Variants in MAPKBP1 observed in about 807,000 individuals in gnomAD.
MAPKBP1 encodes the protein mitogen-activated protein kinase binding protein 1.
A neutral mutation model predicts 170.5 loss-of-function variants in MAPKBP1; 71 were observed. That is an observed-to-expected ratio of 0.42 (90% CI 0.34 to 0.51). The LOEUF is 0.51. MAPKBP1 is among the 20% of genes least tolerant of loss of function. MAPKBP1 has a pLI of 0.06. For synonymous variants in MAPKBP1, 719 were observed against 757.9 expected (o/e 0.95, Z 0.84); for missense variants, 1,598 against 1,933.0 (o/e 0.83, Z 3.25).
At chr15:41,781,406 T>TG (rs77225271) in intron 2 of MAPKBP1, among the ~76,000 whole-genome samples, 20,631 of 151,470 alleles carry the variant, frequency 0.14, 2,535 homozygotes, top group East Asian at 0.68. Flanking sequence ...TTTGTTTTTT[T>TG]TTTTTTCTTG....
intron 2 of MAPKBP1, among the ~76,000 whole-genome samples, chr15:41,782,795 GA>G (rs34570752): frequency 8.0e-5 from 12 of 150,612 alleles, no homozygotes; most frequent in African/African-American, 1.5e-4. Context: ...CAAAGAGGGG[GA>G]AAAAAAAGGG....
In MAPKBP1 at chr15:41,826,876, G is replaced by C. The variant is rs534688368; in HGVS notation, c.*1440G>C. The C allele has an allele frequency of 6.6e-6, 1 of 152,324 alleles. No homozygotes were observed. The highest frequency in any genetic ancestry group is 1.9e-4 in the East Asian group (1 of 5,190). 9.4% of individuals were successfully genotyped at this position (152,324 alleles called of 1,614,324 possible). A position where few individuals can be genotyped will look rare whatever the true frequency, so the allele number is the denominator to read the frequency against. ...TGTCGTGAGGCAGTTGAAGAGTTGA[G>C]GAAAGGTTTTTCTGGGCCCTACTGC... On this transcript the variant is annotated 3_prime_UTR_variant, in exon 31 of 31. Coordinates refer to ENST00000457542, the MANE Select transcript of MAPKBP1 (RefSeq NM_014994.3).
intron 2 of MAPKBP1, among the ~76,000 whole-genome samples, chr15:41,781,016 T>G (rs1204370614): frequency 6.6e-6 from 1 of 151,966 alleles, no homozygotes; most frequent in African/African-American, 2.4e-5. Context: ...TTCAAGGGAG[T>G]AAATTCCCCC....
chr15:41,802,564 C>T (rs1765692970), intron 3 of MAPKBP1, among the ~76,000 whole-genome samples: 1 of 152,190 alleles, frequency 6.6e-6, no homozygotes, highest in African/African-American at 2.4e-5. Flanking sequence ...ACCTCTGCCT[C>T]CTGGGTTCAA....
chr15:41,804,485 T>TTGGAGG (rs2064655770), intron 3 of MAPKBP1, among the ~76,000 whole-genome samples: 1 of 152,198 alleles, frequency 6.6e-6, no homozygotes, highest in Non-Finnish European at 1.5e-5. Flanking sequence ...TTCCCTCTTG[T>TTGGAGG]TGGAGGTGGG....
rs530996876 is a variant in MAPKBP1, at chr15:41,821,524, C to T, written c.2719-60C>T. The T allele has an allele frequency of 7.7e-5, 119 of 1,552,366 alleles. 1 individual carries two copies. The African/African-American group carries it at 1.5e-3, about 19-fold the overall frequency. ...CCCAGGATACTCAGGGCTTACCCCC[C>T]AGCTACCACTGCCTCATCTGTCACC... is the stretch of plus-strand genomic sequence containing the variant. On this transcript the variant is annotated intron_variant, in intron 23 of 30. Coordinates refer to ENST00000457542, the MANE Select transcript of MAPKBP1 (RefSeq NM_014994.3).
chr15:41,820,606 C>T (rs115872061), intron 22 of MAPKBP1, among the ~76,000 whole-genome samples: 112 of 152,284 alleles, frequency 7.4e-4, no homozygotes, highest in African/African-American at 2.6e-3. Flanking sequence ...ATCTGCAGGC[C>T]ACTTACTGTC....
At chr15:41,823,296 C>T in intron 28 of MAPKBP1, 74 bp downstream of exon 28, 1 of 1,561,806 alleles carries the variant, frequency 6.4e-7, no homozygotes, top group Non-Finnish European at 8.7e-7. Context: ...GGAGGGAGGG[C>T]CTGGTGTGGC....
intron 10 of MAPKBP1, 80 bp from the exon 11 acceptor site, chr15:41,815,179 C>A: frequency 1.3e-6 from 2 of 1,553,946 alleles, no homozygotes; most frequent in Admixed American, 1.7e-5. Context: ...CCTTTTTCGT[C>A]CCATTCCCTT....
chr15:41,789,349 A>G (rs1381498668), intron 2 of MAPKBP1, among the ~76,000 whole-genome samples: 1 of 152,082 alleles, frequency 6.6e-6, no homozygotes, highest in African/African-American at 2.4e-5. Flanking sequence ...ACATTGAGAT[A>G]ACTCCTTTTC....
chr15:41,810,138 G>A (rs1030210865), intron 3 of MAPKBP1, among the ~76,000 whole-genome samples: 32 of 152,336 alleles, frequency 2.1e-4, no homozygotes, highest in African/African-American at 7.2e-4. Context: ...AGGCACACAT[G>A]CTTGATACAC....
intron 4 of MAPKBP1, 111 bp from the exon 5 acceptor site, chr15:41,811,067 G>C: frequency 6.6e-7 from 1 of 1,514,780 alleles, no homozygotes. Flanking sequence ...AGATGGGGAA[G>C]TGCCACATGT....
intron 2 of MAPKBP1, among the ~76,000 whole-genome samples, chr15:41,796,270 G>A (rs2064486892): frequency 6.6e-6 from 1 of 152,188 alleles, no homozygotes; most frequent in Admixed American, 6.5e-5. Flanking sequence ...CATTGAACCT[G>A]GGGTGTGTTT....
chr15:41,824,184 T>G lies in MAPKBP1; in HGVS notation c.4213+123T>G, dbSNP rs1483005219. 5 of 1,355,040 alleles carry G rather than the reference T, an allele frequency of 3.7e-6. No individual in the cohort carries two copies. In the Admixed American group the frequency reaches 6.8e-5, roughly 18 times the overall value. The allele number at this position is 1,355,040 out of a possible 1,614,324, so 83.9% of individuals were successfully genotyped here. On this transcript the variant is annotated intron_variant, in intron 29 of 30. Coordinates refer to ENST00000457542, the MANE Select transcript of MAPKBP1 (RefSeq NM_014994.3). Reference sequence around the variant, plus strand: ...TTCTGGTGTTTCTTGTCCTGTCTGCTCCTGTCGCAGGTCCGTAAGTCACAC... The same window carrying G: ...TTCTGGTGTTTCTTGTCCTGTCTGCGCCTGTCGCAGGTCCGTAAGTCACAC...
At chr15:41,803,282 C>T (rs930035616) in intron 3 of MAPKBP1, among the ~76,000 whole-genome samples, 5 of 151,692 alleles carry the variant, frequency 3.3e-5, no homozygotes, top group Non-Finnish European at 7.4e-5. Context: ...GGCGTGATGG[C>T]GGGTGCTGGT....
At chr15:41,820,729 A>T in intron 22 of MAPKBP1, 103 bp from the exon 23 acceptor site, 1 of 784,170 alleles carries the variant, frequency 1.3e-6, no homozygotes, top group Non-Finnish European at 2.1e-6. Flanking sequence ...GAAGTAAGCT[A>T]GTATGTGTAG....
chr15:41,789,439 C>T (rs1270298851), intron 2 of MAPKBP1, among the ~76,000 whole-genome samples: 1 of 152,164 alleles, frequency 6.6e-6, no homozygotes, highest in African/African-American at 2.4e-5. Flanking sequence ...TAAATCTGCT[C>T]TCTGGACTTG....
chr15:41,787,860 A>G (rs2064327640), intron 2 of MAPKBP1, among the ~76,000 whole-genome samples: 1 of 152,198 alleles, frequency 6.6e-6, no homozygotes, highest in Admixed American at 6.5e-5. Context: ...TAGGGGTGGC[A>G]TTGATAAATA....
At chr15:41,811,013 T>C in intron 4 of MAPKBP1, 68 bp downstream of exon 4, 1 of 1,580,718 alleles carries the variant, frequency 6.3e-7, no homozygotes, top group Non-Finnish European at 8.7e-7. Context: ...CTGTCTAGAG[T>C]CTCTATGGCT....
Sources: allele counts gnomAD v4.1 joint callset (sites outside exome capture counted in the v4.1 genomes callset), GRCh38; gene constraint gnomAD v4.1.1; transcripts MANE v1.5; gene names NCBI Gene and HGNC (gene_info 2026-07-23, HGNC 2026-07-21).